KHDRBS2: variants seen among roughly 807,000 people sequenced by gnomAD.
KHDRBS2 encodes KH RNA binding domain containing, signal transduction associated 2.
A neutral mutation model predicts 44.3 loss-of-function variants in KHDRBS2; 26 were observed. The observed-to-expected ratio is 0.59, with a 90% CI of 0.43 to 0.81. The LOEUF is 0.81. KHDRBS2 is among the 40% of genes least tolerant of loss of function. KHDRBS2 has a pLI of 0.00. For synonymous variants in KHDRBS2, 194 were observed against 151.1 expected, an observed-to-expected ratio of 1.28 and a Z score of -2.08; for missense variants, 476 against 433.1, an observed-to-expected ratio of 1.10 and a Z score of -0.88.
At chr6:62,054,935 A>C (rs1789922925) in intron 2 of KHDRBS2, among the ~76,000 whole-genome samples, 1 of 152,096 alleles carries the variant, frequency 6.6e-6, no homozygotes, top group Admixed American at 6.6e-5. Flanking sequence ...AATATATAGC[A>C]TAATAGGCTA....
chr6:62,173,965 C>A (rs1327118316), intron 2 of KHDRBS2, among the ~76,000 whole-genome samples: 1 of 151,820 alleles, frequency 6.6e-6, no homozygotes, highest in East Asian at 1.9e-4. Flanking sequence ...ACTGAATGGG[C>A]AAAAGCTGGA....
chr6:62,075,966 T>G (rs1026634774), intron 2 of KHDRBS2, among the ~76,000 whole-genome samples: 2 of 151,804 alleles, frequency 1.3e-5, no homozygotes, highest in Admixed American at 1.3e-4. Context: ...AATGTAGATT[T>G]TTTTTGCTGT....
intron 2 of KHDRBS2, among the ~76,000 whole-genome samples, chr6:62,076,222 C>T (rs1335024878): frequency 6.6e-6 from 1 of 151,944 alleles, no homozygotes; most frequent in African/African-American, 2.4e-5. Flanking sequence ...CATTAAATTA[C>T]ACAAAGTCAT....
chr6:61,956,047 G>T (rs1466538584), intron 4 of KHDRBS2, among the ~76,000 whole-genome samples: 8 of 152,002 alleles, frequency 5.3e-5, no homozygotes, highest in Non-Finnish European at 8.8e-5. Flanking sequence ...ACAAAAATTA[G>T]CTGGGCGTGG....
At chr6:62,038,321 A>ATTTTTTTTTTTTTTTTTTTTTTT (rs5876773) in intron 3 of KHDRBS2, among the ~76,000 whole-genome samples, 1 of 148,470 alleles carries the variant, frequency 6.7e-6, no homozygotes. Context: ...GAAGCTGCTG[A>ATTTTTTTTTTTTTTTTTTTTTTT]TTTTTTTTTT....
At chr6:61,901,481 T>C (rs1292012246) in intron 4 of KHDRBS2, 110 bp from the exon 5 acceptor site, 3 of 851,652 alleles carry the variant, frequency 3.5e-6, no homozygotes, top group Non-Finnish European at 5.4e-6. Context: ...ATTTTTTTCA[T>C]TTGTTTCCTG....
At chr6:61,760,881 G>GA (rs1316933092) in intron 6 of KHDRBS2, among the ~76,000 whole-genome samples, 2 of 152,160 alleles carry the variant, frequency 1.3e-5, no homozygotes, top group Non-Finnish European at 2.9e-5. Flanking sequence ...ATGTCATGAA[G>GA]AAATGCTTGA....
At chr6:62,106,983 A>T (rs1456181206) in intron 2 of KHDRBS2, among the ~76,000 whole-genome samples, 1 of 152,148 alleles carries the variant, frequency 6.6e-6, no homozygotes, top group East Asian at 1.9e-4. Flanking sequence ...CACAGCCAAT[A>T]TCATACTGAA....
At chr6:61,564,467 T>C in the KHDRBS2 span, among the ~76,000 whole-genome samples, 1 of 152,128 alleles carries the variant, frequency 6.6e-6, no homozygotes, top group Non-Finnish European at 1.5e-5. Flanking sequence ...TTGCTTCTTT[T>C]GTTGTCGTAA....
At chr6:62,067,431 C>A (rs1184570296) in intron 2 of KHDRBS2, among the ~76,000 whole-genome samples, 1 of 151,486 alleles carries the variant, frequency 6.6e-6, no homozygotes, top group Non-Finnish European at 1.5e-5. Flanking sequence ...AAGAGCTCTG[C>A]TGATAAATTT....
At chr6:62,184,012 GC>G (rs1438315843) in intron 1 of KHDRBS2, among the ~76,000 whole-genome samples, 1 of 151,524 alleles carries the variant, frequency 6.6e-6, no homozygotes, top group Non-Finnish European at 1.5e-5. Flanking sequence ...CTGAAATTAT[GC>G]TTTTTTAGTT....
At chr6:62,268,253 T>C (rs1235787189) in intron 1 of KHDRBS2, among the ~76,000 whole-genome samples, 2 of 152,076 alleles carry the variant, frequency 1.3e-5, no homozygotes, top group Non-Finnish European at 2.9e-5. Flanking sequence ...CCTCACCAAA[T>C]GCCAGCACTG....
At chr6:61,681,998 G>A (rs1766358738) in intron 8 of KHDRBS2, among the ~76,000 whole-genome samples, 1 of 151,846 alleles carries the variant, frequency 6.6e-6, no homozygotes. Flanking sequence ...TGTGTAAAAG[G>A]AGGTGCAGAC....
intron 1 of KHDRBS2, among the ~76,000 whole-genome samples, chr6:62,268,716 G>A (rs1413684013): frequency 6.6e-6 from 1 of 151,646 alleles, no homozygotes; most frequent in African/African-American, 2.4e-5. Context: ...TTTCACACCA[G>A]AGCCTACTTT....
the KHDRBS2 span, among the ~76,000 whole-genome samples, chr6:61,657,658 G>C: frequency 6.6e-6 from 1 of 151,930 alleles, no homozygotes; most frequent in African/African-American, 2.4e-5. Flanking sequence ...CCTGATCATT[G>C]GCAGGTTTGG....
chr6:62,106,862 T>G (rs972742629), intron 2 of KHDRBS2, among the ~76,000 whole-genome samples: 1 of 152,110 alleles, frequency 6.6e-6, no homozygotes, highest in Middle Eastern at 3.4e-3. Flanking sequence ...TCTCAATAGA[T>G]GCAGAAAAGG....
At chr6:62,110,762 G>C (rs1804815065) in intron 2 of KHDRBS2, among the ~76,000 whole-genome samples, 1 of 151,972 alleles carries the variant, frequency 6.6e-6, no homozygotes, top group African/African-American at 2.4e-5. Flanking sequence ...TTTTCAACAA[G>C]AAAAACTGGG....
the KHDRBS2 span, among the ~76,000 whole-genome samples, chr6:61,628,308 A>T: frequency 7.3e-6 from 1 of 136,350 alleles, no homozygotes; most frequent in African/African-American, 2.7e-5. Context: ...TGTATTTCCC[A>T]GTGAAGTTCA....
At chr6:61,819,757 T>A (rs1229271400) in intron 6 of KHDRBS2, among the ~76,000 whole-genome samples, 4 of 151,960 alleles carry the variant, frequency 2.6e-5, no homozygotes, top group Admixed American at 2.6e-4. Flanking sequence ...ATTGATGATG[T>A]TAAGAGATTT....
Sources: allele counts gnomAD v4.1 joint callset (sites outside exome capture counted in the v4.1 genomes callset), GRCh38; gene constraint gnomAD v4.1.1; transcripts MANE v1.5; gene names NCBI Gene and HGNC (gene_info 2026-07-23, HGNC 2026-07-21).